GPC5: variants seen among roughly 807,000 people sequenced by gnomAD.
GPC5 encodes the protein glypican-5.
GPC5 carries 47 observed loss-of-function variants against 53.9 expected under a neutral mutation model. The ratio of observed to expected loss-of-function variants is 0.87; its 90% confidence interval spans 0.69 to 1.11. The LOEUF (loss-of-function observed/expected upper bound fraction) is 1.11. Ranked by LOEUF, GPC5 falls within the 50% of genes most tolerant of loss-of-function variation. GPC5 has a pLI of 0.00. For missense variants in GPC5, 748 were observed against 713.1 expected (o/e 1.05, Z -0.56); for synonymous variants, 286 against 263.3 (o/e 1.09, Z -0.84).
chr13:91,798,192 A>C (rs1278562736), intron 5 of GPC5, among the ~76,000 whole-genome samples: 1 of 152,142 alleles, frequency 6.6e-6, no homozygotes. Context: ...TTCAACTTTT[A>C]ATTTAAGTTC....
intron 6 of GPC5, among the ~76,000 whole-genome samples, chr13:92,142,930 C>T (rs1470826739): frequency 6.6e-6 from 1 of 152,084 alleles, no homozygotes; most frequent in Non-Finnish European, 1.5e-5. Context: ...CATATAATTG[C>T]ATTTTTAACT....
At chr13:91,923,912 A>G (rs2039742064) in intron 6 of GPC5, among the ~76,000 whole-genome samples, 2 of 152,162 alleles carry the variant, frequency 1.3e-5, no homozygotes, top group South Asian at 4.1e-4. Flanking sequence ...TAAGACATAT[A>G]TAACAAAGCA....
intron 3 of GPC5, among the ~76,000 whole-genome samples, chr13:91,704,079 G>A (rs1226540548): frequency 1.3e-5 from 2 of 152,084 alleles, no homozygotes; most frequent in Non-Finnish European, 2.9e-5. Flanking sequence ...GTTGAAAGTA[G>A]AGTATTGAAG....
chr13:92,204,568 A>G (rs763330527), intron 7 of GPC5, among the ~76,000 whole-genome samples: 3 of 152,158 alleles, frequency 2.0e-5, no homozygotes, highest in African/African-American at 4.8e-5. Context: ...TTTGACACCA[A>G]CTGCAAGTTT....
At chr13:91,661,978 G>C (rs2139621519) in intron 2 of GPC5, among the ~76,000 whole-genome samples, 1 of 152,300 alleles carries the variant, frequency 6.6e-6, no homozygotes, top group Non-Finnish European at 1.5e-5. Context: ...CTGCTGTTTT[G>C]AGCACAGTCT....
chr13:92,325,701 TA>T (rs983153074), intron 7 of GPC5, among the ~76,000 whole-genome samples: 4 of 151,996 alleles, frequency 2.6e-5, no homozygotes, highest in Admixed American at 6.6e-5. Context: ...GTACACAACA[TA>T]AAGTGGATGA....
At position 92,294,813 on chromosome 13, in the gene GPC5, CTTTTTTTTTTTTCTT is replaced by C. The variant is rs1255655228; in HGVS notation, c.1561+149837_1561+149851del. ...GATTATCTGTTTGTGCTGTTTCTTT[CTTTTTTTTTTTTCTT>C]TTTTTTTTTTTTTTTTCCGAGATGG... On this transcript the variant is annotated intron_variant, in intron 7 of 7. Transcript: ENST00000377067. Among the ~76,000 whole-genome samples the C allele has an allele frequency of 1.5e-3, 151 of 103,986 alleles. 1 individual carries two copies. Among genetic ancestry groups the C allele is most frequent in the Non-Finnish European group, 2.4e-3 (120 of 49,188 alleles). 68.2% of individuals were successfully genotyped at this position (103,986 alleles called of 152,430 possible).
intron 7 of GPC5, among the ~76,000 whole-genome samples, chr13:92,788,047 C>A (rs138096231): frequency 1.5e-3 from 226 of 151,948 alleles, no homozygotes; most frequent in African/African-American, 5.1e-3. Flanking sequence ...AGTGCATATC[C>A]AGTGCTGACC....
At chr13:91,718,732 CTCTT>C (rs1482730838) in intron 3 of GPC5, among the ~76,000 whole-genome samples, 4 of 152,114 alleles carry the variant, frequency 2.6e-5, no homozygotes, top group African/African-American at 9.7e-5. Flanking sequence ...TAGAATTCCT[CTCTT>C]TTCTTTCCAC....
At chr13:92,148,350 GT>G (rs940789533) in intron 7 of GPC5, among the ~76,000 whole-genome samples, 1 of 151,950 alleles carries the variant, frequency 6.6e-6, no homozygotes, top group African/African-American at 2.4e-5. Flanking sequence ...AATATGCAAA[GT>G]TTTACCACCA....
intron 2 of GPC5, among the ~76,000 whole-genome samples, chr13:91,577,097 G>A (rs2032166812): frequency 6.6e-6 from 1 of 152,074 alleles, no homozygotes; most frequent in South Asian, 2.1e-4. Context: ...CTAAAATACT[G>A]TGAACAGATT....
intron 6 of GPC5, among the ~76,000 whole-genome samples, chr13:92,064,582 C>A (rs997322709): frequency 6.6e-6 from 1 of 151,830 alleles, no homozygotes; most frequent in Admixed American, 6.6e-5. Context: ...ATGGTGAAAC[C>A]CCATCTCTAC....
At chr13:92,849,687 A>G (rs1878727098) in intron 7 of GPC5, among the ~76,000 whole-genome samples, 1 of 152,222 alleles carries the variant, frequency 6.6e-6, no homozygotes, top group Admixed American at 6.5e-5. Context: ...CCAGTGCTGA[A>G]TGATATGCAT....
chr13:92,803,878 C>T (rs1877000676), intron 7 of GPC5, among the ~76,000 whole-genome samples: 1 of 151,860 alleles, frequency 6.6e-6, no homozygotes, highest in African/African-American at 2.4e-5. Context: ...CACTTCTCCC[C>T]CAGAAAGTAA....
intron 7 of GPC5, among the ~76,000 whole-genome samples, chr13:92,311,413 C>A (rs1284189656): frequency 6.6e-6 from 1 of 152,100 alleles, no homozygotes; most frequent in African/African-American, 2.4e-5. Context: ...ATTACTCGTA[C>A]ATTTTATAAA....
intron 2 of GPC5, among the ~76,000 whole-genome samples, chr13:91,608,173 A>G (rs1384758680): frequency 6.6e-6 from 1 of 152,214 alleles, no homozygotes; most frequent in Non-Finnish European, 1.5e-5. Flanking sequence ...AAGGTGTGAC[A>G]ATTTCCAGGG....
In GPC5 at chr13:91,938,446, G is replaced by A. The variant is rs547113949; in HGVS notation, c.1401+30389G>A. Reference sequence around the variant, plus strand: ...CTCATGACCCAAACACTTCCGACCCGGCCCCAACTCCAGCATTGGGGATTA... The same window carrying A: ...CTCATGACCCAAACACTTCCGACCCAGCCCCAACTCCAGCATTGGGGATTA... On this transcript the variant is annotated intron_variant, in intron 6 of 7. Coordinates refer to ENST00000377067, the MANE Select transcript of GPC5 (RefSeq NM_004466.6). Among the ~76,000 whole-genome samples, 14 of 152,180 alleles carry A rather than the reference G, an allele frequency of 9.2e-5. No homozygotes were observed. In the South Asian group the frequency reaches 1.7e-3, roughly 18 times the overall value.
intron 7 of GPC5, among the ~76,000 whole-genome samples, chr13:92,734,457 T>C (rs1436857625): frequency 1.3e-5 from 2 of 151,910 alleles, no homozygotes; most frequent in African/African-American, 2.4e-5. Flanking sequence ...GCTCATACAC[T>C]GTATACTCAG....
At chr13:91,637,018 T>C (rs2034302599) in intron 2 of GPC5, among the ~76,000 whole-genome samples, 1 of 152,182 alleles carries the variant, frequency 6.6e-6, no homozygotes, top group South Asian at 2.1e-4. Flanking sequence ...TGAATGTGCC[T>C]TATGTCAATG....
Sources: allele counts gnomAD v4.1 joint callset (sites outside exome capture counted in the v4.1 genomes callset), GRCh38; gene constraint gnomAD v4.1.1; transcripts MANE v1.5; gene names NCBI Gene and HGNC (gene_info 2026-07-23, HGNC 2026-07-21).